The following PDZRN3 variants were observed in gnomAD, a reference collection of about 807,000 sequenced individuals.
The protein encoded by PDZRN3 is E3 ubiquitin-protein ligase PDZRN3.
A neutral mutation model predicts 85.7 loss-of-function variants in PDZRN3; 38 were observed. That is an observed-to-expected ratio of 0.44 (90% CI 0.34 to 0.58). The LOEUF (loss-of-function observed/expected upper bound fraction) is 0.58, where lower values mean the gene tolerates loss of function less well. Ranked by LOEUF, PDZRN3 falls within the 20% of genes least tolerant of loss-of-function variation. PDZRN3 has a pLI of 0.01. For synonymous variants in PDZRN3, 759 were observed against 638.0 expected, an observed-to-expected ratio of 1.19 and a Z score of -2.86; for missense variants, 1,629 against 1,506.4, an observed-to-expected ratio of 1.08 and a Z score of -1.35.
intron 3 of PDZRN3, among the ~76,000 whole-genome samples, chr3:73,440,220 A>G (rs910123581): frequency 3.3e-5 from 5 of 152,090 alleles, no homozygotes; most frequent in African/African-American, 1.2e-4. Context: ...CGGTTTTTAC[A>G]ATAACATGGA....
intron 3 of PDZRN3, among the ~76,000 whole-genome samples, chr3:73,507,327 T>A (rs1236493759): frequency 3.3e-5 from 5 of 152,064 alleles, no homozygotes; most frequent in Non-Finnish European, 5.9e-5. Flanking sequence ...TGCCACCATA[T>A]GCCTGGATAA....
intron 3 of PDZRN3, among the ~76,000 whole-genome samples, chr3:73,523,928 G>C (rs1374357050): frequency 6.6e-6 from 1 of 152,194 alleles, no homozygotes; most frequent in Admixed American, 6.5e-5. Context: ...CCTGGCAAAG[G>C]ATCCAAAGCA....
At chr3:73,471,138 G>A (rs1220002514) in intron 3 of PDZRN3, among the ~76,000 whole-genome samples, 2 of 152,038 alleles carry the variant, frequency 1.3e-5, no homozygotes, top group Non-Finnish European at 2.9e-5. Context: ...AACATGACTG[G>A]TGTCTTCATA....
At chr3:73,464,691 G>T (rs1488440977) in intron 3 of PDZRN3, among the ~76,000 whole-genome samples, 2 of 151,860 alleles carry the variant, frequency 1.3e-5, no homozygotes, top group African/African-American at 4.8e-5. Flanking sequence ...AAGAAAAAAA[G>T]GTGTCTCTTT....
intron 3 of PDZRN3, among the ~76,000 whole-genome samples, chr3:73,598,470 T>A (rs941867051): frequency 6.6e-6 from 1 of 151,874 alleles, no homozygotes. Context: ...GTAAGAGGAG[T>A]GCAGGGAAGA....
At chr3:73,437,462 C>A (rs1342120042) in intron 3 of PDZRN3, among the ~76,000 whole-genome samples, 1 of 152,166 alleles carries the variant, frequency 6.6e-6, no homozygotes, top group Non-Finnish European at 1.5e-5. Context: ...TCACAGATCC[C>A]CAGAAACAAG....
chr3:73,462,309 C>A (rs909070182), intron 3 of PDZRN3, among the ~76,000 whole-genome samples: 1 of 151,876 alleles, frequency 6.6e-6, no homozygotes, highest in Non-Finnish European at 1.5e-5. Flanking sequence ...AACTTGAGGC[C>A]GAGGCGGGCA....
intron 3 of PDZRN3, among the ~76,000 whole-genome samples, chr3:73,514,348 G>A (rs1704220021): frequency 1.3e-5 from 2 of 152,192 alleles, no homozygotes; most frequent in Non-Finnish European, 2.9e-5. Flanking sequence ...ACTATAATGT[G>A]TAATCTGTGC....
intron 3 of PDZRN3, among the ~76,000 whole-genome samples, chr3:73,407,411 G>A (rs114344128): frequency 8.9e-4 from 135 of 152,166 alleles, no homozygotes; most frequent in African/African-American, 1.4e-3. Context: ...AGTTTAGAAC[G>A]TCTTATCCCC....
At chr3:73,577,204 C>G (rs747965399) in intron 3 of PDZRN3, among the ~76,000 whole-genome samples, 1 of 152,082 alleles carries the variant, frequency 6.6e-6, no homozygotes, top group Non-Finnish European at 1.5e-5. Flanking sequence ...CTTTTCAGAA[C>G]GATGAATCTA....
intron 3 of PDZRN3, among the ~76,000 whole-genome samples, chr3:73,580,485 AAGTGTAG>A (rs1462162498): frequency 6.6e-6 from 1 of 152,194 alleles, no homozygotes; most frequent in Non-Finnish European, 1.5e-5. Flanking sequence ...GAATTCTCTC[AAGTGTAG>A]AGTGTTTCCC....
intron 3 of PDZRN3, among the ~76,000 whole-genome samples, chr3:73,550,124 A>T (rs557566724): frequency 6.6e-6 from 1 of 152,310 alleles, no homozygotes; most frequent in East Asian, 1.9e-4. Context: ...CTTGTTATAA[A>T]ATCTTACAAA....
intron 3 of PDZRN3, among the ~76,000 whole-genome samples, chr3:73,558,747 A>G (rs1701756055): frequency 6.6e-6 from 1 of 152,252 alleles, no homozygotes; most frequent in Admixed American, 6.5e-5. Flanking sequence ...AGGAGAGGGT[A>G]AACGAAGAAC....
intron 3 of PDZRN3, among the ~76,000 whole-genome samples, chr3:73,523,744 A>C (rs552474645): frequency 6.6e-6 from 1 of 152,338 alleles, no homozygotes; most frequent in East Asian, 1.9e-4. Context: ...CATCAACCTC[A>C]GTGTTACACA....
intron 3 of PDZRN3, among the ~76,000 whole-genome samples, chr3:73,509,420 A>C (rs969973956): frequency 1.3e-5 from 2 of 152,144 alleles, no homozygotes; most frequent in African/African-American, 4.8e-5. Flanking sequence ...TTTCTCCAAC[A>C]TGTGGGCACT....
intron 3 of PDZRN3, among the ~76,000 whole-genome samples, chr3:73,561,894 T>C (rs1701823613): frequency 6.6e-6 from 1 of 151,068 alleles, no homozygotes; most frequent in Non-Finnish European, 1.5e-5. Flanking sequence ...ACAATTAACA[T>C]CACAGAGAAA....
intron 3 of PDZRN3, among the ~76,000 whole-genome samples, chr3:73,594,802 T>TA (rs1702410347): frequency 6.6e-6 from 1 of 152,036 alleles, no homozygotes; most frequent in Admixed American, 6.6e-5. Context: ...GAGGGGAAAA[T>TA]ATGATATTCA....
At chr3:73,544,378 C>T (rs967659335) in intron 3 of PDZRN3, among the ~76,000 whole-genome samples, 2 of 151,950 alleles carry the variant, frequency 1.3e-5, no homozygotes, top group Non-Finnish European at 2.9e-5. Context: ...TGAACTGTTA[C>T]GTATTTTTGG....
intron 3 of PDZRN3, among the ~76,000 whole-genome samples, chr3:73,582,627 A>G (rs1034766475): frequency 2.6e-5 from 4 of 152,146 alleles, no homozygotes; most frequent in African/African-American, 9.7e-5. Flanking sequence ...CCAACTATCC[A>G]CTGGCATGGG....
Sources: gnomAD v4.1 joint callset for allele counts (sites outside exome capture counted in the v4.1 genomes callset) on GRCh38, gnomAD v4.1.1 for gene constraint, MANE v1.5 for transcripts, NCBI Gene and HGNC (gene_info 2026-07-23, HGNC 2026-07-21) for gene names.